RABGEF1: variants seen among roughly 807,000 people sequenced by gnomAD.
The protein encoded by RABGEF1 is rab5 GDP/GTP exchange factor.
RABGEF1 carries 26 observed loss-of-function variants against 57.3 expected under a neutral mutation model. That is an observed-to-expected ratio of 0.45 (90% confidence interval 0.33 to 0.63). The LOEUF (loss-of-function observed/expected upper bound fraction) is 0.63. RABGEF1 is among the 20% of genes least tolerant of loss of function. The pLI is 0.02. For missense variants in RABGEF1, 464 were observed against 607.6 expected (o/e 0.76, Z 2.48); for synonymous variants, 185 against 210.7 (o/e 0.88, Z 1.06).
rs187245095 is a variant in RABGEF1 at position 66,703,712 on chromosome 7, T to A, written c.-872-8455T>A. On this transcript the variant is annotated intron_variant and NMD_transcript_variant, in intron 1 of 9. Coordinates refer to the RABGEF1 transcript ENST00000607882. ...TAATTACTGTAGCTTTGTAAGTAAG[T>A]TTTGAAATTGGGAAATTTGAGTCCT... 1.1e-3 allele frequency among the ~76,000 whole-genome samples: 171 copies of A among 152,330 alleles called. 1 individual carries two copies. The highest frequency in any genetic ancestry group is 3.8e-3 in the African/African-American group (159 of 41,576).
upstream of RABGEF1, among the ~76,000 whole-genome samples, chr7:66,736,428 CAGA>C (rs961523449): frequency 5.3e-5 from 8 of 152,202 alleles, no homozygotes; most frequent in Non-Finnish European, 8.8e-5. Flanking sequence ...GCCCTATAGA[CAGA>C]AGAAGAAGGG....
the RABGEF1 span, among the ~76,000 whole-genome samples, chr7:66,661,976 G>A: frequency 3.3e-5 from 5 of 152,024 alleles, no homozygotes. Flanking sequence ...CCAGCTGGGC[G>A]TGGTGGCCCA....
At chr7:66,745,693 C>T (rs546579420) in intron 1 of RABGEF1, among the ~76,000 whole-genome samples, 12 of 150,668 alleles carry the variant, frequency 8.0e-5, no homozygotes, top group South Asian at 4.2e-4. Flanking sequence ...CTCTTGATCC[C>T]GGGAGGCGGA....
chr7:66,801,086 C>T (rs1011151285), intron 7 of RABGEF1, among the ~76,000 whole-genome samples: 5 of 152,116 alleles, frequency 3.3e-5, no homozygotes, highest in African/African-American at 7.2e-5. Flanking sequence ...GCCCTGAGGT[C>T]GAACACTCTT....
At chr7:66,795,017 G>A (rs1813675346) in intron 4 of RABGEF1, among the ~76,000 whole-genome samples, 1 of 152,194 alleles carries the variant, frequency 6.6e-6, no homozygotes, top group Non-Finnish European at 1.5e-5. Flanking sequence ...CGCTAGGTGG[G>A]AAGGGGTCCC....
intron 1 of RABGEF1, among the ~76,000 whole-genome samples, chr7:66,745,802 C>T (rs1455780948): frequency 6.7e-6 from 1 of 148,796 alleles, no homozygotes; most frequent in Non-Finnish European, 1.5e-5. Context: ...CACACTAAAA[C>T]CAAGAGTTTC....
chr7:66,797,556 AAC>A, intron 6 of RABGEF1, 50 bp downstream of exon 6: 1 of 1,575,830 alleles, frequency 6.3e-7, no homozygotes. Context: ...CTAATGGAAG[AAC>A]ACACTGGGGG....
At chr7:66,716,696 G>A (rs958657539) in intron 2 of RABGEF1, among the ~76,000 whole-genome samples, 11 of 152,190 alleles carry the variant, frequency 7.2e-5, no homozygotes, top group African/African-American at 2.7e-4. Context: ...TTTAGTTGGT[G>A]TGAATAGACC....
At chr7:66,681,076 G>A (rs141051484), upstream of RABGEF1, among the ~76,000 whole-genome samples, 238 of 152,210 alleles carry the variant, frequency 1.6e-3, no homozygotes, top group African/African-American at 5.5e-3. Flanking sequence ...GAGCGCGACT[G>A]TCTCAAAAAA....
the RABGEF1 span, among the ~76,000 whole-genome samples, chr7:66,670,894 T>C: frequency 2.7e-5 from 4 of 145,674 alleles, no homozygotes; most frequent in East Asian, 4.0e-4. Context: ...CACATACGTA[T>C]ACACACACAC....
chr7:66,684,869 T>G (rs1790361114), intron 1 of RABGEF1, among the ~76,000 whole-genome samples: 1 of 152,160 alleles, frequency 6.6e-6, no homozygotes, highest in Non-Finnish European at 1.5e-5. Flanking sequence ...TCTCCTGACC[T>G]CGTGGTCTGC....
intron 1 of RABGEF1, among the ~76,000 whole-genome samples, chr7:66,709,619 T>G (rs1794546265): frequency 6.6e-6 from 1 of 152,050 alleles, no homozygotes; most frequent in Admixed American, 6.6e-5. Flanking sequence ...AAACCCTGTC[T>G]CTACTAAAAA....
the RABGEF1 span, among the ~76,000 whole-genome samples, chr7:66,676,350 T>A: frequency 1.3e-5 from 2 of 152,090 alleles, no homozygotes. Context: ...GAGGATTTGT[T>A]CCAGGATGCC....
intron 1 of RABGEF1, among the ~76,000 whole-genome samples, chr7:66,708,300 T>C (rs1794365636): frequency 6.6e-6 from 1 of 152,042 alleles, no homozygotes; most frequent in South Asian, 2.1e-4. Context: ...TAATTTTTTC[T>C]TTTGAGACAG....
chr7:66,771,872 T>C lies in RABGEF1; in HGVS notation c.-17-11T>C, dbSNP rs781016578. ...TAATTCATTTTCAACAGCACTTTCT[T>C]GTTTGTTCAGTGGTTAGCAGGAAGA... On this transcript the variant is annotated splice_polypyrimidine_tract_variant and intron_variant, in intron 1 of 8. Coordinates refer to ENST00000284957, the MANE Select transcript of RABGEF1 (RefSeq NM_014504.3). 1 of 1,420,618 alleles carries C rather than the reference T, an allele frequency of 7.0e-7. No homozygotes were observed. Among genetic ancestry groups the C allele is most frequent in the South Asian group, 1.6e-5 (1 of 63,086 alleles). The allele number at this position is 1,420,618 out of a possible 1,614,324, so 88.0% of individuals were successfully genotyped here. A position where few individuals can be genotyped will look rare whatever the true frequency, so the allele number is the denominator to read the frequency against.
rs558280167 is a variant in RABGEF1, at chr7:66,759,651, A to AG, written c.-17-12227dup. ...AGCTTCCAGTAATAGTGGAGAGCAA[A>AG]GGGGGAGCAAAGTGTCTCCCCTAGT... On this transcript the variant is annotated intron_variant, in intron 1 of 8. Transcript: ENST00000284957. Among the ~76,000 whole-genome samples the AG allele has an allele frequency of 3.8e-4, 58 of 152,248 alleles. 1 individual carries two copies. The South Asian group carries it at 0.011, about 28-fold the overall frequency.
intron 1 of RABGEF1, among the ~76,000 whole-genome samples, chr7:66,746,618 C>CTTTTT (rs1206614304): frequency 5.4e-5 from 5 of 92,172 alleles, no homozygotes; most frequent in African/African-American, 8.0e-5. Context: ...ATAATATAAC[C>CTTTTT]TTTTTTTTTT....
intron 1 of RABGEF1, among the ~76,000 whole-genome samples, chr7:66,743,629 A>G (rs1486774413): frequency 6.6e-6 from 1 of 152,038 alleles, no homozygotes; most frequent in African/African-American, 2.4e-5. Flanking sequence ...AGCCTCCTGA[A>G]TAGCTGGGAC....
intron 2 of RABGEF1, among the ~76,000 whole-genome samples, chr7:66,774,144 CTT>C (rs1442587164): frequency 6.6e-6 from 1 of 152,238 alleles, no homozygotes; most frequent in Non-Finnish European, 1.5e-5. Context: ...CTTGATTTCT[CTT>C]TTATCTCCCA....
Sources: gnomAD v4.1 joint callset for allele counts (sites outside exome capture counted in the v4.1 genomes callset) on GRCh38, gnomAD v4.1.1 for gene constraint, MANE v1.5 for transcripts, NCBI Gene and HGNC (gene_info 2026-07-23, HGNC 2026-07-21) for gene names.